Variants in PEBP4 observed in about 807,000 individuals in gnomAD.
PEBP4 encodes the protein phosphatidylethanolamine binding protein 4.
In PEBP4, 22 loss-of-function variants were observed where a neutral mutation model predicts 23.9. That is an observed-to-expected ratio of 0.92 (90% CI 0.66 to 1.31). The LOEUF is 1.31. PEBP4 is among the 40% of genes most tolerant of loss of function. PEBP4 has a pLI of 0.00. For missense variants in PEBP4, 324 were observed against 281.7 expected (o/e 1.15, Z -1.07); for synonymous variants, 112 against 99.3 (o/e 1.13, Z -0.76).
chr8:22,797,531 C>T (rs950648869), intron 4 of PEBP4, among the ~76,000 whole-genome samples: 4 of 152,000 alleles, frequency 2.6e-5, no homozygotes, highest in Admixed American at 6.5e-5. Flanking sequence ...GGAATAACTT[C>T]GTTTTGGGAG....
chr8:22,732,238 C>G (rs898587689), intron 4 of PEBP4, among the ~76,000 whole-genome samples: 1 of 152,072 alleles, frequency 6.6e-6, no homozygotes, highest in African/African-American at 2.4e-5. Flanking sequence ...ACCCATGACT[C>G]TCCTAGCAAG....
intron 4 of PEBP4, among the ~76,000 whole-genome samples, chr8:22,748,945 C>T (rs1261641926): frequency 6.6e-6 from 1 of 152,076 alleles, no homozygotes; most frequent in Non-Finnish European, 1.5e-5. Context: ...GAGGCCTCAC[C>T]ACATCAATGC....
Position 22,740,928 on chromosome 8 carries a change from T to C in PEBP4, c.358-13708A>G, listed in dbSNP as rs1319637953. Among the ~76,000 whole-genome samples, 3 of 151,600 alleles carry C rather than the reference T, an allele frequency of 2.0e-5. No homozygotes were observed. The East Asian group carries it at 5.8e-4, about 29-fold the overall frequency. On this transcript the variant is annotated intron_variant, in intron 4 of 6. Transcript: ENST00000256404. ...AGGGAAAGGGCTGGGCACACAAGGGTGTTTGTTAGCTCCTTTCCCCCAGAT... is the reference window on the plus strand; with the variant it reads ...AGGGAAAGGGCTGGGCACACAAGGGCGTTTGTTAGCTCCTTTCCCCCAGAT...
At chr8:22,888,073 C>T (rs1808419836) in intron 3 of PEBP4, 1 of 151,868 alleles carries the variant, frequency 6.6e-6, no homozygotes, top group Non-Finnish European at 1.5e-5. Flanking sequence ...TGGTGGCCTG[C>T]AGGGGACTCC....
intron 4 of PEBP4, among the ~76,000 whole-genome samples, chr8:22,776,969 G>A (rs1805826808): frequency 6.6e-6 from 1 of 151,884 alleles, no homozygotes; most frequent in Non-Finnish European, 1.5e-5. Flanking sequence ...ACGGGGGCAG[G>A]CTTGGGTGGG....
intron 3 of PEBP4, among the ~76,000 whole-genome samples, chr8:22,907,174 G>A (rs542596296): frequency 2.6e-5 from 4 of 152,296 alleles, no homozygotes; most frequent in African/African-American, 9.6e-5. Context: ...GAAACAGAAA[G>A]GAGGCTGGGC....
intron 3 of PEBP4, among the ~76,000 whole-genome samples, chr8:22,915,995 T>C (rs1194173999): frequency 1.3e-5 from 2 of 152,152 alleles, no homozygotes; most frequent in African/African-American, 2.4e-5. Flanking sequence ...AGGTGCTCCC[T>C]GGGAGGCTGC....
intron 3 of PEBP4, among the ~76,000 whole-genome samples, chr8:22,819,654 A>C (rs952916591): frequency 6.6e-6 from 1 of 152,126 alleles, no homozygotes; most frequent in African/African-American, 2.4e-5. Flanking sequence ...TCTGTTGCCC[A>C]GGAGTGCAGT....
intron 3 of PEBP4, among the ~76,000 whole-genome samples, chr8:22,838,724 C>T (rs576745629): frequency 3.9e-5 from 6 of 152,376 alleles, no homozygotes; most frequent in African/African-American, 9.6e-5. Context: ...AGCTGTGGCT[C>T]GGCCCCCTCT....
At chr8:22,789,423 T>G (rs1026853640) in intron 4 of PEBP4, among the ~76,000 whole-genome samples, 4 of 152,138 alleles carry the variant, frequency 2.6e-5, no homozygotes, top group African/African-American at 9.7e-5. Context: ...AGCCTGAAAC[T>G]AGGGTCGTCC....
At position 22,901,115 on chromosome 8, in the gene PEBP4, A is replaced by C. The variant is rs988813215; in HGVS notation, c.258+19069T>G. On this transcript the variant is annotated intron_variant, in intron 3 of 6. Coordinates refer to ENST00000256404, the MANE Select transcript of PEBP4 (RefSeq NM_144962.3). ...GATATCACTGTGCATGAACTAAGAA[A>C]ATTTCTGCCTTCTTATGAACGTAAA... 9.8e-5 allele frequency among the ~76,000 whole-genome samples: 15 copies of C among 152,320 alleles called. No individual in the cohort carries two copies. In the East Asian group the frequency reaches 2.7e-3, roughly 27 times the overall value.
chr8:22,726,169 T>C (rs1488450221), intron 5 of PEBP4, among the ~76,000 whole-genome samples: 1 of 152,076 alleles, frequency 6.6e-6, no homozygotes, highest in Non-Finnish European at 1.5e-5. Flanking sequence ...TTGGAGGGCC[T>C]GTGTGTGTGT....
intron 2 of PEBP4, among the ~76,000 whole-genome samples, chr8:22,921,467 G>A (rs1410011793): frequency 6.6e-6 from 1 of 152,250 alleles, no homozygotes; most frequent in African/African-American, 2.4e-5. Flanking sequence ...GGGCCTGGGA[G>A]TAGGCCAAGA....
chr8:22,773,339 G>A (rs1805752655), intron 4 of PEBP4, among the ~76,000 whole-genome samples: 1 of 152,214 alleles, frequency 6.6e-6, no homozygotes, highest in African/African-American at 2.4e-5. Flanking sequence ...CGTTAAGAGG[G>A]AGACACAGGG....
At chr8:22,714,774 C>A (rs1305426427) in intron 6 of PEBP4, among the ~76,000 whole-genome samples, 1 of 152,156 alleles carries the variant, frequency 6.6e-6, no homozygotes, top group Non-Finnish European at 1.5e-5. Context: ...CAGCACCCAC[C>A]ACCCTTTTCA....
At chr8:22,846,453 C>G (rs1036113648) in intron 3 of PEBP4, among the ~76,000 whole-genome samples, 2 of 152,282 alleles carry the variant, frequency 1.3e-5, no homozygotes, top group East Asian at 3.9e-4. Flanking sequence ...CGTCATCACC[C>G]CATTCTGAGA....
chr8:22,727,977 C>T (rs1002279121), intron 4 of PEBP4, among the ~76,000 whole-genome samples: 26 of 152,246 alleles, frequency 1.7e-4, no homozygotes, highest in Admixed American at 1.2e-3. Context: ...AGACTGGAGC[C>T]GGGCCCCTGG....
chr8:22,740,800 G>C (rs1311155923), intron 4 of PEBP4, among the ~76,000 whole-genome samples: 3 of 152,162 alleles, frequency 2.0e-5, no homozygotes, highest in Non-Finnish European at 4.4e-5. Flanking sequence ...GAGAAGGAGG[G>C]AGGCACAGCC....
In PEBP4 at chr8:22,784,546, C is replaced by T. The variant is rs531513497; in HGVS notation, c.357+33091G>A. On this transcript the variant is annotated intron_variant, in intron 4 of 6. Coordinates refer to ENST00000256404, the MANE Select transcript of PEBP4 (RefSeq NM_144962.3). ...CCCTGTAGCCAACCTCCCGACCTCC[C>T]GTCCCGGGAGATGTGCCAGGCTTGG... Among the ~76,000 whole-genome samples, 36 of 152,358 alleles carry T rather than the reference C, an allele frequency of 2.4e-4. No homozygotes were observed. In the East Asian group the frequency reaches 6.5e-3, roughly 28 times the overall value.
Sources: allele counts gnomAD v4.1 joint callset (sites outside exome capture counted in the v4.1 genomes callset), GRCh38; gene constraint gnomAD v4.1.1; transcripts MANE v1.5; gene names NCBI Gene and HGNC (gene_info 2026-07-23, HGNC 2026-07-21).